The following METTL15 variants were observed in gnomAD, a reference collection of about 807,000 sequenced individuals.
METTL15 encodes the protein 12S rRNA N(4)-cytidine methyltransferase METTL15.
Under a neutral mutation model 38.3 loss-of-function variants are expected in METTL15, and 34 were observed. The observed-to-expected ratio is 0.89, with a 90% CI of 0.68 to 1.18. METTL15 has a LOEUF of 1.18. Among genes scored for constraint, METTL15 ranks in the 50% most tolerant of loss-of-function variants. The probability of loss-of-function intolerance (pLI) is 0.00; values close to 1 mark genes in which losing one functional copy is unlikely to be tolerated. For synonymous variants in METTL15, 162 were observed against 170.9 expected, an observed-to-expected ratio of 0.95 and a Z score of 0.41; for missense variants, 438 against 498.4, an observed-to-expected ratio of 0.88 and a Z score of 1.15.
At chr11:28,174,293 G>T (rs1478243759) in intron 3 of METTL15, among the ~76,000 whole-genome samples, 2 of 125,612 alleles carry the variant, frequency 1.6e-5, no homozygotes, top group Non-Finnish European at 3.2e-5. Context: ...TCTTGATTTT[G>T]AATCATAGTT....
chr11:28,345,636 C>T (rs1342300201), intron 3 of METTL15, among the ~76,000 whole-genome samples: 3 of 152,168 alleles, frequency 2.0e-5, no homozygotes, highest in Non-Finnish European at 4.4e-5. Flanking sequence ...TGCAGCAACC[C>T]TTACGTATGA....
At chr11:28,472,803 G>T (rs1475397215) in intron 6 of METTL15, among the ~76,000 whole-genome samples, 1 of 152,166 alleles carries the variant, frequency 6.6e-6, no homozygotes, top group Non-Finnish European at 1.5e-5. Flanking sequence ...TCATGTGGAT[G>T]AAAGAAAACA....
At chr11:28,338,900 C>CT (rs1849925311) in intron 3 of METTL15, among the ~76,000 whole-genome samples, 1 of 151,876 alleles carries the variant, frequency 6.6e-6, no homozygotes, top group Non-Finnish European at 1.5e-5. Flanking sequence ...CATCAGAGAG[C>CT]TAATAAGGAA....
At chr11:28,512,972 G>C (rs1321354669) in intron 6 of METTL15, among the ~76,000 whole-genome samples, 2 of 152,220 alleles carry the variant, frequency 1.3e-5, no homozygotes, top group Admixed American at 1.3e-4. Context: ...AGGAGGAAGA[G>C]AAAGAGGAGG....
intron 6 of METTL15, among the ~76,000 whole-genome samples, chr11:28,297,251 A>G (rs1438399897): frequency 6.6e-6 from 1 of 152,148 alleles, no homozygotes; most frequent in Non-Finnish European, 1.5e-5. Context: ...GTGTCTACCA[A>G]GGTGAAACAT....
At chr11:28,137,191 A>G (rs1849543720) in intron 3 of METTL15, among the ~76,000 whole-genome samples, 1 of 152,208 alleles carries the variant, frequency 6.6e-6, no homozygotes, top group Non-Finnish European at 1.5e-5. Flanking sequence ...CAATTTATGG[A>G]AAGACCGTAT....
intron 6 of METTL15, among the ~76,000 whole-genome samples, chr11:28,434,410 C>G (rs1389829798): frequency 6.6e-6 from 1 of 152,204 alleles, no homozygotes; most frequent in Non-Finnish European, 1.5e-5. Context: ...ATAATCACAT[C>G]TCTGACCAAG....
chr11:28,179,118 TTGTG>T (rs927753967), intron 3 of METTL15, among the ~76,000 whole-genome samples: 8 of 151,738 alleles, frequency 5.3e-5, no homozygotes, highest in Non-Finnish European at 1.0e-4. Context: ...ACACATGGGT[TTGTG>T]TGTGTATTTT....
intron 4 of METTL15, among the ~76,000 whole-genome samples, chr11:28,270,721 A>G (rs960811773): frequency 6.6e-6 from 1 of 152,344 alleles, no homozygotes; most frequent in South Asian, 2.1e-4. Context: ...TGTCTGGCAC[A>G]TAGTAATAAC....
In METTL15 at chr11:28,509,190, T is replaced by C. The variant is rs140543679; in HGVS notation, c.*425-17288T>C. Among the ~76,000 whole-genome samples the C allele has an allele frequency of 2.5e-4, 38 of 152,354 alleles. 1 individual carries two copies. In the East Asian group the frequency reaches 7.3e-3, roughly 29 times the overall value. ...GCTTGTTAGTACCATAACTTTGCCA[T>C]ATGTTCTAAGGTTTGTGAAATGGAG... On this transcript the variant is annotated intron_variant and NMD_transcript_variant, in intron 6 of 7. Coordinates refer to the METTL15 transcript ENST00000532947.
At chr11:28,503,036 G>A (rs925826352) in intron 6 of METTL15, among the ~76,000 whole-genome samples, 3 of 152,212 alleles carry the variant, frequency 2.0e-5, no homozygotes, top group African/African-American at 7.2e-5. Flanking sequence ...TGCTGTCCAT[G>A]TCTGCCAAGA....
At chr11:28,170,014 G>C (rs1286697411) in intron 3 of METTL15, among the ~76,000 whole-genome samples, 1 of 152,140 alleles carries the variant, frequency 6.6e-6, no homozygotes, top group Non-Finnish European at 1.5e-5. Flanking sequence ...GGTAGGATGT[G>C]GTTCCTGTTG....
intron 2 of METTL15, 86 bp from the exon 3 acceptor site, chr11:28,113,232 A>G: frequency 1.1e-6 from 1 of 901,920 alleles, no homozygotes; most frequent in Non-Finnish European, 1.7e-6. Flanking sequence ...GATGTGCTAA[A>G]TATTGCATAT....
chr11:28,254,195 CATT>C (rs2133927992), intron 4 of METTL15, among the ~76,000 whole-genome samples: 1 of 152,254 alleles, frequency 6.6e-6, no homozygotes, highest in Non-Finnish European at 1.5e-5. Flanking sequence ...GATGACATCT[CATT>C]GTAGTTTTGA....
chr11:28,194,703 T>A (rs1467728085), intron 3 of METTL15, among the ~76,000 whole-genome samples: 1 of 152,052 alleles, frequency 6.6e-6, no homozygotes, highest in Non-Finnish European at 1.5e-5. Context: ...TTAAAAAAAA[T>A]TATTTCACTA....
intron 6 of METTL15, among the ~76,000 whole-genome samples, chr11:28,520,609 C>A (rs1358022020): frequency 2.0e-5 from 3 of 152,064 alleles, no homozygotes; most frequent in Admixed American, 2.0e-4. Context: ...AAATATGAGT[C>A]TTTTCTTTGG....
intron 5 of METTL15, among the ~76,000 whole-genome samples, chr11:28,410,434 G>C (rs182236580): frequency 4.6e-5 from 7 of 152,040 alleles, no homozygotes; most frequent in African/African-American, 1.7e-4. Context: ...ATGACCATGT[G>C]GGATTTATCC....
chr11:28,172,065 T>G (rs1468777573), intron 3 of METTL15, among the ~76,000 whole-genome samples: 1 of 152,168 alleles, frequency 6.6e-6, no homozygotes, highest in Non-Finnish European at 1.5e-5. Context: ...CCTTCCGAAG[T>G]GTTGGGATTA....
At chr11:28,137,359 A>G (rs915363951) in intron 3 of METTL15, among the ~76,000 whole-genome samples, 1 of 152,236 alleles carries the variant, frequency 6.6e-6, no homozygotes, top group African/African-American at 2.4e-5. Context: ...CCTTCTGATA[A>G]TCTTTTACTA....
Sources: gnomAD v4.1 joint callset for allele counts (sites outside exome capture counted in the v4.1 genomes callset) on GRCh38, gnomAD v4.1.1 for gene constraint, MANE v1.5 for transcripts, NCBI Gene and HGNC (gene_info 2026-07-23, HGNC 2026-07-21) for gene names.